The following MYH11 variants were observed in gnomAD, a reference collection of about 807,000 sequenced individuals.
MYH11 encodes the protein myosin-11.
Under a neutral mutation model 246.6 loss-of-function variants are expected in MYH11, and 80 were observed. The ratio of observed to expected loss-of-function variants is 0.32; its 90% CI spans 0.27 to 0.39. The LOEUF is 0.39. Among genes scored for constraint, MYH11 ranks in the 10% least tolerant of loss-of-function variants. The pLI is 1.00. For synonymous variants in MYH11, 1,071 were observed against 1,015.5 expected, an observed-to-expected ratio of 1.05 and a Z score of -1.04; for missense variants, 2,158 against 2,546.8, an observed-to-expected ratio of 0.85 and a Z score of 3.29.
At chr16:15,827,824 C>T (rs2043612613) in intron 2 of MYH11, among the ~76,000 whole-genome samples, 2 of 152,184 alleles carry the variant, frequency 1.3e-5, no homozygotes, top group Admixed American at 1.3e-4. Context: ...TACACTGAGC[C>T]AGGCCAGGGG....
At position 15,732,958 on chromosome 16, in the gene MYH11, A is replaced by C; in HGVS notation, c.3507-250T>G. 5.2e-6 allele frequency: 3 copies of C among 577,830 alleles called. No homozygotes were observed. The South Asian group carries it at 6.2e-5, about 12-fold the overall frequency. The allele number at this position is 577,830 out of a possible 1,614,324, so 35.8% of individuals were successfully genotyped here. On this transcript the variant is annotated intron_variant, in intron 26 of 40. Transcript: ENST00000300036. Reference sequence around the variant, plus strand: ...GGCAAACAAATACACAAAGTAATAGAATTGAAAGGATGTCTGTGAACTGCA... The same window carrying C: ...GGCAAACAAATACACAAAGTAATAGCATTGAAAGGATGTCTGTGAACTGCA...
At chr16:15,830,742 G>A (rs1400437688) in intron 2 of MYH11, among the ~76,000 whole-genome samples, 1 of 151,902 alleles carries the variant, frequency 6.6e-6, no homozygotes, top group Non-Finnish European at 1.5e-5. Context: ...TCTGGGTGTG[G>A]TGATGCACAC....
intron 15 of MYH11, among the ~76,000 whole-genome samples, chr16:15,752,209 G>A (rs1366803704): frequency 6.6e-6 from 1 of 152,050 alleles, no homozygotes; most frequent in East Asian, 1.9e-4. Context: ...GACCCAGGGT[G>A]CGATGTTGTT....
intron 8 of MYH11, 73 bp downstream of exon 8, chr16:15,776,005 A>G: frequency 8.8e-7 from 1 of 1,130,812 alleles, no homozygotes; most frequent in Middle Eastern, 2.0e-4. Context: ...TTAATAGCCA[A>G]TCCCTTAACC....
chr16:15,834,886 T>G (rs2043849368), intron 2 of MYH11, among the ~76,000 whole-genome samples: 1 of 149,750 alleles, frequency 6.7e-6, no homozygotes, highest in Non-Finnish European at 1.5e-5. Context: ...CTGGGCAATA[T>G]AGTGAGATCC....
At chr16:15,799,720 A>G (rs2042836651) in intron 3 of MYH11, among the ~76,000 whole-genome samples, 2 of 152,240 alleles carry the variant, frequency 1.3e-5, no homozygotes, top group Admixed American at 6.5e-5. Flanking sequence ...TCCCAGCATC[A>G]TATCTGCTGG....
chr16:15,738,712 T>G (rs1284169196), intron 23 of MYH11, 24 bp from the exon 24 acceptor site: 2 of 1,612,538 alleles, frequency 1.2e-6, no homozygotes, highest in Non-Finnish European at 1.7e-6. Flanking sequence ...GAGAAAGAGA[T>G]AGCTTTAGGA....
rs1223141028 is a variant in MYH11 at position 15,714,895 on chromosome 16, C to T, written c.5786+14G>A. ...CCTGAGAGACGGGGTCCTCCCGGGC[C>T]ACGGGCTCCTCACCTGAGCTTGCTC... On this transcript the variant is annotated intron_variant, in intron 40 of 40. Transcript: ENST00000300036. 2 of 1,613,032 alleles carry T rather than the reference C, an allele frequency of 1.2e-6. No individual in the cohort carries two copies. The highest frequency in any genetic ancestry group is 1.1e-5 in the South Asian group (1 of 91,050).
At chr16:15,719,750 C>T (rs772613969) in intron 34 of MYH11, 37 bp from the exon 35 acceptor site, 23 of 1,613,420 alleles carry the variant, frequency 1.4e-5, no homozygotes, top group Admixed American at 1.3e-4. Context: ...CTCAGATGTC[C>T]TTACTCCCCC....
chr16:15,726,552 G>C (rs552532599), intron 28 of MYH11: 1 of 485,614 alleles, frequency 2.1e-6, no homozygotes, highest in Non-Finnish European at 3.8e-6. Context: ...TGTATTTTTA[G>C]TAGAGACTTT....
intron 1 of MYH11, among the ~76,000 whole-genome samples, chr16:15,841,053 T>C (rs1171325216): frequency 6.6e-6 from 1 of 152,120 alleles, no homozygotes; most frequent in Non-Finnish European, 1.5e-5. Flanking sequence ...TGAATATCAA[T>C]AAGAAAAATA....
chr16:15,796,636 C>T (rs2042748187), intron 4 of MYH11, among the ~76,000 whole-genome samples: 1 of 152,144 alleles, frequency 6.6e-6, no homozygotes, highest in Non-Finnish European at 1.5e-5. Context: ...ATGTCCATGG[C>T]CTATCCTCAG....
rs367602204 is a variant in MYH11 at position 15,839,244 on chromosome 16, A to C, written c.-17-975T>G. On this transcript the variant is annotated intron_variant, in intron 1 of 40. Coordinates refer to ENST00000300036, the MANE Select transcript of MYH11 (RefSeq NM_002474.3). ...CAAACAACCCAAGGTATATAACTGG[A>C]AACTCAGTAAAAGGAAAGAAATTAT... Among the ~76,000 whole-genome samples, 20 of 152,106 alleles carry C rather than the reference A, an allele frequency of 1.3e-4. No individual in the cohort carries two copies. In the East Asian group the frequency reaches 2.5e-3, roughly 19 times the overall value.
chr16:15,777,779 A>G (rs1457659923), intron 7 of MYH11, among the ~76,000 whole-genome samples: 1 of 152,138 alleles, frequency 6.6e-6, no homozygotes. Flanking sequence ...GCATATTATT[A>G]TGCATATTAT....
chr16:15,734,626 A>G (rs2041063368), intron 26 of MYH11, among the ~76,000 whole-genome samples: 1 of 152,082 alleles, frequency 6.6e-6, no homozygotes, highest in Admixed American at 6.6e-5. Flanking sequence ...CTGCTTTTCT[A>G]TAGTTTTCAA....
chr16:15,724,770 C>T lies in MYH11; in HGVS notation c.3993G>A (p.Lys1331=), dbSNP rs2040664831. ...GGCGCAGCTTCGTAGACACGTTGAG[C>T]TTCTGCCGGGTTTCTTCTTGAAGCA... ...QELLQEETRQ[K]LNVSTKLRQL... is the part of the protein sequence containing the mutation. The change falls in exon 30 of 41, where the codon AAG becomes AAA. Residue 1331 remains lysine, a synonymous_variant. Transcript: ENST00000300036. 1 of 1,613,970 alleles carries T rather than the reference C, an allele frequency of 6.2e-7. No homozygotes were observed. The highest frequency in any genetic ancestry group is 1.3e-5 in the African/African-American group (1 of 74,918).
rs2040356965 is a variant in MYH11 at position 15,719,588 on chromosome 16, T to C, written c.5079A>G (p.Gln1693=). ...TCCTAGCAAGGCGAGGCTTTACCTC[T>C]TGTAGCTGCATGAGGTCTGCTTCCA... is the stretch of plus-strand genomic sequence containing the variant. ...KSLEADLMQL[Q]EDLAAAERAR... The change falls in exon 35 of 41, where the codon CAA becomes CAG. Residue 1693 remains glutamine, a synonymous_variant. Transcript: ENST00000300036. 6.2e-7 allele frequency: 1 copy of C among 1,614,054 alleles called. No homozygotes were observed. The highest frequency in any genetic ancestry group is 1.3e-5 in the African/African-American group (1 of 74,946).
rs760586766 is a variant in MYH11 at position 15,714,958 on chromosome 16, T to A, written c.5737A>T (p.Ser1913Cys). ...ACCTCGCGGCCCATGGCCTCGTTGC[T>A]CTCCGTGGCCTCATCCAGCTCCCGC... ...LQRELDEATE[S>C]NEAMGREVNA... The change falls in exon 40 of 41, where the codon AGC becomes TGC. Residue 1913 changes from serine to cysteine, a missense_variant. Coordinates refer to ENST00000300036, the MANE Select transcript of MYH11 (RefSeq NM_002474.3). The A allele has an allele frequency of 1.2e-6, 2 of 1,613,986 alleles. No individual in the cohort carries two copies. Among genetic ancestry groups the A allele is most frequent in the Non-Finnish European group, 1.7e-6 (2 of 1,180,052 alleles).
intron 3 of MYH11, 119 bp from the exon 4 acceptor site, chr16:15,798,806 G>C (rs1182924615): frequency 9.0e-6 from 10 of 1,111,054 alleles, no homozygotes; most frequent in East Asian, 2.4e-5. Context: ...GGCCTCATTG[G>C]AAGTGACAAC....
Sources: gnomAD v4.1 joint callset for allele counts (sites outside exome capture counted in the v4.1 genomes callset) on GRCh38, gnomAD v4.1.1 for gene constraint, MANE v1.5 for transcripts, NCBI Gene and HGNC (gene_info 2026-07-23, HGNC 2026-07-21) for gene names.